Variants in PPP2R2B observed in about 807,000 individuals in gnomAD.
PPP2R2B encodes serine/threonine-protein phosphatase 2A 55 kDa regulatory subunit B beta isoform.
PPP2R2B carries 5 observed loss-of-function variants against 46.0 expected under a neutral mutation model. The ratio of observed to expected loss-of-function variants is 0.11; its 90% CI spans 0.06 to 0.23. PPP2R2B has a LOEUF of 0.23. Ranked by LOEUF, PPP2R2B falls within the 10% of genes least tolerant of loss-of-function variation. PPP2R2B has a pLI of 1.00. For missense variants in PPP2R2B, 367 were observed against 575.0 expected (o/e 0.64, Z 3.70); for synonymous variants, 215 against 206.7 (o/e 1.04, Z -0.34).
intron 2 of PPP2R2B, among the ~76,000 whole-genome samples, chr5:146,815,080 C>G (rs1757851498): frequency 1.3e-5 from 2 of 152,216 alleles, no homozygotes; most frequent in South Asian, 4.1e-4. Flanking sequence ...TGGAAGCCAT[C>G]TATCCTACTT....
intron 2 of PPP2R2B, among the ~76,000 whole-genome samples, chr5:146,776,164 T>G (rs1401845368): frequency 6.6e-6 from 1 of 152,078 alleles, no homozygotes; most frequent in Non-Finnish European, 1.5e-5. Flanking sequence ...CATATGGAAT[T>G]TCAGAGGACC....
chr5:147,009,245 C>T (rs1754599318), intron 1 of PPP2R2B, among the ~76,000 whole-genome samples: 1 of 152,112 alleles, frequency 6.6e-6, no homozygotes, highest in Non-Finnish European at 1.5e-5. Context: ...TTGGAGTGAA[C>T]ATTGAATAGA....
intron 1 of PPP2R2B, among the ~76,000 whole-genome samples, chr5:146,974,782 G>A (rs1352342553): frequency 6.7e-6 from 1 of 150,100 alleles, no homozygotes; most frequent in African/African-American, 2.5e-5. Context: ...CTCCGCCTAC[G>A]GGTTCACGCC....
At chr5:146,955,744 T>C (rs562490510) in intron 1 of PPP2R2B, among the ~76,000 whole-genome samples, 2 of 151,686 alleles carry the variant, frequency 1.3e-5, no homozygotes, top group Non-Finnish European at 2.9e-5. Context: ...ACTTGATAGG[T>C]TGTCATTAAC....
intron 2 of PPP2R2B, among the ~76,000 whole-genome samples, chr5:146,837,492 T>C (rs1012248680): frequency 1.3e-5 from 2 of 152,200 alleles, no homozygotes; most frequent in Non-Finnish European, 1.5e-5. Flanking sequence ...GGCTATAAGG[T>C]GGCACAGTGA....
At chr5:146,869,768 A>T (rs1204487297) in intron 2 of PPP2R2B, among the ~76,000 whole-genome samples, 1 of 152,216 alleles carries the variant, frequency 6.6e-6, no homozygotes, top group East Asian at 1.9e-4. Context: ...TATTTGACTT[A>T]TAAATAAAAA....
intron 7 of PPP2R2B, among the ~76,000 whole-genome samples, chr5:146,604,708 G>C (rs74584411): frequency 1.3e-5 from 2 of 152,136 alleles, no homozygotes; most frequent in Non-Finnish European, 2.9e-5. Flanking sequence ...TCTAAGGAAG[G>C]TACTATCACT....
chr5:147,007,511 A>C (rs1754501466), intron 1 of PPP2R2B, among the ~76,000 whole-genome samples: 1 of 152,162 alleles, frequency 6.6e-6, no homozygotes, highest in African/African-American at 2.4e-5. Flanking sequence ...GAGTGGGCCA[A>C]ATAAGGGAAT....
intron 1 of PPP2R2B, among the ~76,000 whole-genome samples, chr5:146,909,147 C>T (rs1763099160): frequency 6.6e-6 from 1 of 152,114 alleles, no homozygotes; most frequent in African/African-American, 2.4e-5. Context: ...TGTTTCTGAC[C>T]ACCAGCTATT....
At chr5:146,781,356 A>T (rs1755520020) in intron 2 of PPP2R2B, among the ~76,000 whole-genome samples, 1 of 151,186 alleles carries the variant, frequency 6.6e-6, no homozygotes, top group African/African-American at 2.4e-5. Context: ...AACAGATGTG[A>T]AAGTGTGTAT....
chr5:146,615,971 T>G (rs1031210944), intron 7 of PPP2R2B, among the ~76,000 whole-genome samples: 1 of 152,206 alleles, frequency 6.6e-6, no homozygotes, highest in Non-Finnish European at 1.5e-5. Context: ...GGAATCACAT[T>G]ACCTGACTTC....
chr5:146,813,280 C>G (rs1561928272), intron 2 of PPP2R2B, among the ~76,000 whole-genome samples: 1 of 151,862 alleles, frequency 6.6e-6, no homozygotes, highest in Non-Finnish European at 1.5e-5. Context: ...ACCTCACATA[C>G]CAATTCAACT....
chr5:146,755,598 A>G (rs1345547491), intron 2 of PPP2R2B, among the ~76,000 whole-genome samples: 1 of 152,238 alleles, frequency 6.6e-6, no homozygotes, highest in Admixed American at 6.5e-5. Flanking sequence ...GAGCATCCAA[A>G]TTATTTTGAA....
At chr5:146,924,315 A>G (rs911547826) in intron 1 of PPP2R2B, among the ~76,000 whole-genome samples, 14 of 152,232 alleles carry the variant, frequency 9.2e-5, no homozygotes, top group African/African-American at 3.1e-4. Context: ...ACTGCAACTG[A>G]AAAGCACAAA....
chr5:146,602,490 C>G (rs1771879243), intron 7 of PPP2R2B, among the ~76,000 whole-genome samples: 1 of 152,168 alleles, frequency 6.6e-6, no homozygotes, highest in Non-Finnish European at 1.5e-5. Flanking sequence ...TATGGCTAAA[C>G]CGAATAAGGG....
chr5:146,713,950 T>C (rs1380177926), intron 2 of PPP2R2B, among the ~76,000 whole-genome samples: 3 of 151,864 alleles, frequency 2.0e-5, no homozygotes, highest in African/African-American at 7.3e-5. Flanking sequence ...TGATATAAAT[T>C]TGGGAGTTAT....
intron 5 of PPP2R2B, among the ~76,000 whole-genome samples, chr5:146,678,922 T>G: frequency 1.1e-5 from 1 of 93,004 alleles, no homozygotes; most frequent in Non-Finnish European, 2.0e-5. Context: ...GAACATTCCA[T>G]GCTCATGGGT....
At chr5:147,080,981 A>G in intron 2 of PPP2R2B, 3 of 1,359,378 alleles carry the variant, frequency 2.2e-6, no homozygotes, top group Non-Finnish European at 2.0e-6. Flanking sequence ...TCATGAAAGT[A>G]AAGATGAAAG....
chr5:146,696,162 G>A lies in PPP2R2B; in HGVS notation c.334+1817C>T, dbSNP rs199901617. Reference sequence around the variant, plus strand: ...TCTGTCGCCCAGGGTAGAGTGCGGTGGAGTGATCTCGGCTTACTCCAAGCC... The same window carrying A: ...TCTGTCGCCCAGGGTAGAGTGCGGTAGAGTGATCTCGGCTTACTCCAAGCC... On this transcript the variant is annotated intron_variant, in intron 4 of 9. Coordinates refer to ENST00000394411, the MANE Select transcript of PPP2R2B (RefSeq NM_181675.4). 5.3e-5 allele frequency among the ~76,000 whole-genome samples: 8 copies of A among 151,346 alleles called. No homozygotes were observed. In the East Asian group the frequency reaches 1.2e-3, roughly 22 times the overall value.
Sources: allele counts gnomAD v4.1 joint callset (sites outside exome capture counted in the v4.1 genomes callset), GRCh38; gene constraint gnomAD v4.1.1; transcripts MANE v1.5; gene names NCBI Gene and HGNC (gene_info 2026-07-23, HGNC 2026-07-21).